The following LAMA2 variants were observed in gnomAD, a reference collection of about 807,000 sequenced individuals.
LAMA2 encodes laminin subunit alpha 2.
A neutral mutation model predicts 364.8 loss-of-function variants in LAMA2; 269 were observed. That is an observed-to-expected ratio of 0.74 (90% CI 0.67 to 0.82). The LOEUF (loss-of-function observed/expected upper bound fraction) is 0.82. LAMA2 is among the 40% of genes least tolerant of loss of function. The pLI, the probability that LAMA2 is intolerant of heterozygous loss-of-function variation, is 0.00. For missense variants in LAMA2, 3,807 were observed against 3,873.2 expected, an observed-to-expected ratio of 0.98 and a Z score of 0.45; for synonymous variants, 1,379 against 1,370.6, an observed-to-expected ratio of 1.01 and a Z score of -0.14.
At chr6:129,501,945 AATT>A (rs1391841427) in intron 58 of LAMA2, among the ~76,000 whole-genome samples, 1 of 152,164 alleles carries the variant, frequency 6.6e-6, no homozygotes, top group Admixed American at 6.5e-5. Context: ...CTCACTGAAA[AATT>A]ATTAAGAATT....
intron 45 of LAMA2, among the ~76,000 whole-genome samples, chr6:129,452,684 C>A (rs937362047): frequency 1.3e-5 from 2 of 152,140 alleles, no homozygotes; most frequent in Non-Finnish European, 2.9e-5. Context: ...CTAAAACGTT[C>A]CCATATTGAT....
At chr6:129,158,295 T>A in intron 8 of LAMA2, 1 of 1,614,152 alleles carries the variant, frequency 6.2e-7, no homozygotes, top group East Asian at 2.2e-5. Flanking sequence ...TTGGTAGATT[T>A]CTGTTTCTCG....
chr6:129,098,383 T>G lies in LAMA2; in HGVS notation c.607T>G (p.Tyr203Asp), dbSNP rs774542927. The change falls in exon 4 of 65, where the codon TAC becomes GAC. Residue 203 changes from tyrosine (Y) to aspartate (D), a missense_variant. Physicochemically the swap from Tyr to Asp is radical, Grantham distance 160. Coordinates refer to ENST00000421865, the MANE Select transcript of LAMA2 (RefSeq NM_000426.4). ...KDDEVICTSF[Y>D]SKIHPLENGE... ...TGATGAGGTCATCTGCACTTCATTT[T>G]ACTCCAAGATACACCCCTTAGAAAA... 2 of 1,613,972 alleles carry G rather than the reference T, an allele frequency of 1.2e-6. No homozygotes were observed. The highest frequency in any genetic ancestry group is 1.7e-6 in the Non-Finnish European group (2 of 1,179,970).
intron 12 of LAMA2, among the ~76,000 whole-genome samples, chr6:129,218,016 T>C (rs1783540089): frequency 6.6e-6 from 1 of 152,128 alleles, no homozygotes; most frequent in South Asian, 2.1e-4. Flanking sequence ...TTCATTGCCA[T>C]AGGGGTCATG....
At chr6:128,984,482 A>T (rs988762233) in intron 1 of LAMA2, among the ~76,000 whole-genome samples, 1 of 152,066 alleles carries the variant, frequency 6.6e-6, no homozygotes, top group Admixed American at 6.6e-5. Context: ...TTTTCTCTAA[A>T]TTTCTCTTTT....
intron 3 of LAMA2, among the ~76,000 whole-genome samples, chr6:129,082,382 A>C (rs1312516802): frequency 6.6e-6 from 1 of 152,144 alleles, no homozygotes; most frequent in Non-Finnish European, 1.5e-5. Context: ...ATAAATTGAC[A>C]ATCCAACCCC....
chr6:128,968,081 A>G (rs990127308), intron 1 of LAMA2, among the ~76,000 whole-genome samples: 2 of 152,166 alleles, frequency 1.3e-5, no homozygotes, highest in Admixed American at 1.3e-4. Context: ...ATCAAACAAA[A>G]GGGAATCCAT....
At chr6:129,147,313 T>A (rs1778522633) in intron 6 of LAMA2, among the ~76,000 whole-genome samples, 2 of 147,306 alleles carry the variant, frequency 1.4e-5, no homozygotes, top group African/African-American at 5.1e-5. Context: ...TATTTTGAAA[T>A]CTCTCTAGCT....
intron 30 of LAMA2, among the ~76,000 whole-genome samples, chr6:129,343,536 G>T (rs1338287547): frequency 6.6e-6 from 1 of 152,094 alleles, no homozygotes; most frequent in Non-Finnish European, 1.5e-5. Flanking sequence ...AGTAGTATGT[G>T]TATGAAAAAT....
chr6:129,370,514 T>C (rs979077404), intron 34 of LAMA2, among the ~76,000 whole-genome samples: 4 of 152,222 alleles, frequency 2.6e-5, no homozygotes, highest in African/African-American at 9.6e-5. Context: ...TTTTAAAGAA[T>C]TGGAAATTTT....
At chr6:129,384,113 A>C (rs906927638) in intron 35 of LAMA2, among the ~76,000 whole-genome samples, 12 of 152,352 alleles carry the variant, frequency 7.9e-5, no homozygotes, top group African/African-American at 2.9e-4. Context: ...TCACCACTGC[A>C]AGAAGCAACA....
At chr6:129,438,058 T>C (rs1376938872) in intron 41 of LAMA2, among the ~76,000 whole-genome samples, 3 of 151,662 alleles carry the variant, frequency 2.0e-5, no homozygotes, top group East Asian at 1.9e-4. Context: ...AAAAAAACTA[T>C]ATAAAATTTA....
chr6:129,252,009 A>T (rs2114286519), intron 13 of LAMA2, 75 bp from the exon 14 acceptor site: 1 of 897,496 alleles, frequency 1.1e-6, no homozygotes, highest in African/African-American at 1.7e-5. Context: ...GAGGATACAA[A>T]TATAGATATG....
At chr6:129,114,728 G>A (rs1314169503) in intron 4 of LAMA2, among the ~76,000 whole-genome samples, 2 of 151,856 alleles carry the variant, frequency 1.3e-5, no homozygotes, top group African/African-American at 4.8e-5. Flanking sequence ...GTTCCATGAG[G>A]GAGAGGGCCA....
rs768538467 is a variant in LAMA2, at chr6:129,165,576, G to A, written c.1207G>A (p.Val403Ile). 6.9e-6 allele frequency: 11 copies of A among 1,598,140 alleles called. No homozygotes were observed. Among genetic ancestry groups the A allele is most frequent in the Admixed American group, 1.7e-5 (1 of 59,658 alleles). ...CTDGFFRPKG[V>I]SPNYPRPCQP... ...AAATTCATTTTAATATTTTTGTTAG[G>A]TATCTCCAAATTATCCAAGGCCATG... Residue 403 changes from valine (V) to isoleucine (I), a missense_variant and splice_region_variant, in exon 9 of 65, where the codon GTA becomes ATA. By Grantham distance (29) the Val-to-Ile change is conservative. This residue lies in a region of LAMA2 where 80 missense variants were observed against 124.0 expected (regional missense o/e 0.65). Coordinates refer to ENST00000421865, the MANE Select transcript of LAMA2 (RefSeq NM_000426.4).
At chr6:128,895,869 A>G (rs1008469629) in intron 1 of LAMA2, among the ~76,000 whole-genome samples, 2 of 152,158 alleles carry the variant, frequency 1.3e-5, no homozygotes, top group Non-Finnish European at 2.9e-5. Flanking sequence ...TGTGATTTCT[A>G]AAGCATTTAA....
intron 4 of LAMA2, among the ~76,000 whole-genome samples, chr6:129,124,340 G>T (rs966804264): frequency 6.6e-6 from 1 of 152,164 alleles, no homozygotes; most frequent in African/African-American, 2.4e-5. Flanking sequence ...GGAAGCAAAG[G>T]GTAGGTTTAC....
intron 40 of LAMA2, among the ~76,000 whole-genome samples, chr6:129,417,148 T>G (rs993313392): frequency 3.9e-5 from 6 of 152,108 alleles, no homozygotes; most frequent in African/African-American, 1.4e-4. Context: ...GTGTTGTAGC[T>G]CTCTCATTTC....
chr6:129,043,838 T>C (rs1316971417), intron 1 of LAMA2, among the ~76,000 whole-genome samples: 1 of 152,194 alleles, frequency 6.6e-6, no homozygotes, highest in Admixed American at 6.5e-5. Context: ...CTTTTTTCTT[T>C]CCTGTAGAGT....
Sources: allele counts gnomAD v4.1 joint callset (sites outside exome capture counted in the v4.1 genomes callset), GRCh38; gene constraint gnomAD v4.1.1; regional missense constraint gnomAD v4.1.1; transcripts MANE v1.5; gene names NCBI Gene and HGNC (gene_info 2026-07-23, HGNC 2026-07-21).